The following SARS2 variants were observed in gnomAD, a reference collection of about 807,000 sequenced individuals.
The protein encoded by SARS2 is seryl-tRNA synthetase 2, mitochondrial, also known as serine--tRNA ligase, mitochondrial.
SARS2 carries 52 observed loss-of-function variants against 66.8 expected under a neutral mutation model. The observed-to-expected ratio is 0.78, with a 90% CI of 0.62 to 0.98. The LOEUF (loss-of-function observed/expected upper bound fraction) is 0.98. Among genes scored for constraint, SARS2 ranks in the 50% least tolerant of loss-of-function variants. The pLI is 0.00. For missense variants in SARS2, 673 were observed against 706.3 expected (o/e 0.95, Z 0.53); for synonymous variants, 306 against 281.4 (o/e 1.09, Z -0.87).
At chr19:38,918,194 T>G (rs1974453366) in intron 9 of SARS2, 55 bp from the exon 10 acceptor site, 1 of 1,548,772 alleles carries the variant, frequency 6.5e-7, no homozygotes, top group Admixed American at 1.9e-5. Context: ...GAGGAAGCCT[T>G]TGGAAGATTA....
In SARS2 at chr19:38,923,214, G is replaced by GTTT. The variant is rs1285075055; in HGVS notation, c.364-950_364-948dup. ...GCCACCGCGCCCAGCCTGATCTCAG[G>GTTT]TTTTCTTTTTTTTTTTTTTTTTTTT... On this transcript the variant is annotated intron_variant, in intron 2 of 15. Coordinates refer to ENST00000221431, the MANE Select transcript of SARS2 (RefSeq NM_017827.4). Among the ~76,000 whole-genome samples, 23 of 96,168 alleles carry GTTT rather than the reference G, an allele frequency of 2.4e-4. 1 individual carries two copies. The highest frequency in any genetic ancestry group is 3.0e-4 in the Non-Finnish European group (15 of 49,306). The allele number at this position is 96,168 out of a possible 152,430, so 63.1% of individuals were successfully genotyped here. A position where few individuals can be genotyped will look rare whatever the true frequency, so the allele number is the denominator to read the frequency against.
At chr19:38,924,928 T>C (rs1464851859) in intron 2 of SARS2, among the ~76,000 whole-genome samples, 7 of 152,130 alleles carry the variant, frequency 4.6e-5, no homozygotes, top group African/African-American at 1.7e-4. Context: ...CCTGGTATGG[T>C]GTGTAGCGAC....
intron 2 of SARS2, among the ~76,000 whole-genome samples, chr19:38,925,903 G>A (rs1974618951): frequency 6.6e-6 from 1 of 152,104 alleles, no homozygotes; most frequent in African/African-American, 2.4e-5. Context: ...TGCAACTTCC[G>A]CCTCCTAGGT....
At chr19:38,918,295 C>T (rs949424844) in intron 9 of SARS2, 127 bp downstream of exon 9, 10 of 1,151,012 alleles carry the variant, frequency 8.7e-6, no homozygotes, top group South Asian at 2.6e-5. Context: ...CCTACACAGC[C>T]GTACATGTTG....
chr19:38,925,769 G>A (rs751941), intron 2 of SARS2, among the ~76,000 whole-genome samples: 40,223 of 152,024 alleles, frequency 0.26, 6,043 homozygotes, highest in East Asian at 0.44. Context: ...GGATGCCAGG[G>A]TCCTGCAACA....
intron 12 of SARS2, 27 bp from the exon 13 acceptor site, chr19:38,916,341 A>AAG: frequency 6.3e-7 from 1 of 1,599,058 alleles, no homozygotes. Flanking sequence ...AGGTGTGGGG[A>AAG]AGGTCAGCGG....
chr19:38,924,746 C>T (rs987462521), intron 2 of SARS2, among the ~76,000 whole-genome samples: 6 of 152,250 alleles, frequency 3.9e-5, no homozygotes, highest in South Asian at 4.1e-4. Flanking sequence ...TGGACTCAAG[C>T]GATCTTCCTG....
Position 38,927,595 on chromosome 19 carries a change from T to C in SARS2, c.268-1295A>G, listed in dbSNP as rs62119045. On this transcript the variant is annotated intron_variant, in intron 1 of 15. Coordinates refer to ENST00000221431, the MANE Select transcript of SARS2 (RefSeq NM_017827.4). ...CTTGTCTCCAAAAAAAAAAAAAATT[T>C]ATTATTTTTTTGAGGAACTGCCATA... Among the ~76,000 whole-genome samples, 9 of 152,012 alleles carry C rather than the reference T, an allele frequency of 5.9e-5. No individual in the cohort carries two copies. In the South Asian group the frequency reaches 1.7e-3, roughly 28 times the overall value.
At chr19:38,916,484 A>T (rs1267985380) in intron 12 of SARS2, among the ~76,000 whole-genome samples, 170 bp from the exon 13 acceptor site, 1 of 151,742 alleles carries the variant, frequency 6.6e-6, no homozygotes, top group Non-Finnish European at 1.5e-5. Flanking sequence ...AAAACAAACA[A>T]AAAAAAGGAG....
In SARS2 at chr19:38,915,868, G is replaced by A. The variant is rs1333722839; in HGVS notation, c.1386C>T (p.Ile462=). Residue 462 remains isoleucine, a synonymous_variant, in exon 15 of 16, where the codon ATC becomes ATT. Coordinates refer to ENST00000221431, the MANE Select transcript of SARS2 (RefSeq NM_017827.4). The part of the protein sequence containing the change: ...ATACAVPRLL[I]ALLESNQQKD... ...TCTGCTGGTTACTCTCCAGGAGCGCGATGAGAAGGCGGGGGACAGCACAGG... is the reference window on the plus strand; with the variant it reads ...TCTGCTGGTTACTCTCCAGGAGCGCAATGAGAAGGCGGGGGACAGCACAGG... 1.9e-6 allele frequency: 3 copies of A among 1,613,750 alleles called. No homozygotes were observed. Among genetic ancestry groups the A allele is most frequent in the Admixed American group, 1.7e-5 (1 of 60,002 alleles).
chr19:38,920,263 G>C lies in SARS2; in HGVS notation c.590-114C>G. The C allele has an allele frequency of 3.6e-6, 3 of 827,100 alleles. No homozygotes were observed. The South Asian group carries it at 4.3e-5, about 12-fold the overall frequency. 51.2% of individuals were successfully genotyped at this position (827,100 alleles called of 1,614,324 possible). On this transcript the variant is annotated intron_variant, in intron 5 of 15. Transcript: ENST00000221431. ...GGACGGTGAGAGAAAATAAAGGAGG[G>C]GCAGGAGGAGAGAAGGGAGAAGAAG...
chr19:38,915,653 T>C lies in SARS2; in HGVS notation c.1510A>G (p.Asn504Asp). 6.2e-7 allele frequency: 1 copy of C among 1,612,848 alleles called. No individual in the cohort carries two copies. Among genetic ancestry groups the C allele is most frequent in the Non-Finnish European group, 8.5e-7 (1 of 1,179,512 alleles). ...THVPLQYIGP[N>D]QPRKPGLPGQ... ...GGCAGCCCAGGCTTCCGGGGCTGGT[T>C]GGGGCCGATGTACTGGAGAGGCACG... The change falls in exon 16 of 16, where the codon AAC becomes GAC. Residue 504 changes from asparagine to aspartate, a missense_variant. By Grantham distance (23) the Asn-to-Asp change is conservative (BLOSUM62 1). Coordinates refer to ENST00000221431, the MANE Select transcript of SARS2 (RefSeq NM_017827.4).
At chr19:38,926,180 C>T (rs754066618) in intron 2 of SARS2, 25 bp downstream of exon 2, 7 of 1,591,190 alleles carry the variant, frequency 4.4e-6, no homozygotes, top group Non-Finnish European at 6.0e-6. Flanking sequence ...GGCCACTCCC[C>T]ACCTACTCAG....
At chr19:38,928,963 TC>T (rs1303021876) in intron 1 of SARS2, among the ~76,000 whole-genome samples, 1 of 152,208 alleles carries the variant, frequency 6.6e-6, no homozygotes, top group Non-Finnish European at 1.5e-5. Context: ...ACATCTGTAC[TC>T]CTAGCACTTT....
chr19:38,921,818 T>C (rs1974542432), intron 3 of SARS2, 151 bp from the exon 4 acceptor site: 2 of 1,328,612 alleles, frequency 1.5e-6, no homozygotes, highest in Admixed American at 4.2e-5. Flanking sequence ...GAACTTCCCT[T>C]ACCACCACAT....
chr19:38,926,721 G>A (rs1199321917), intron 1 of SARS2, among the ~76,000 whole-genome samples: 1 of 152,144 alleles, frequency 6.6e-6, no homozygotes, highest in Non-Finnish European at 1.5e-5. Flanking sequence ...AGGAAGCGGA[G>A]GTTGCACTGA....
chr19:38,919,981 T>C, intron 6 of SARS2, 105 bp downstream of exon 6: 1 of 1,370,686 alleles, frequency 7.3e-7, no homozygotes, highest in Non-Finnish European at 1.0e-6. Flanking sequence ...GCATCAAAGA[T>C]TCATGGCATT....
At chr19:38,918,262 C>G in intron 9 of SARS2, 123 bp from the exon 10 acceptor site, 2 of 1,172,422 alleles carry the variant, frequency 1.7e-6, no homozygotes, top group East Asian at 5.1e-5. Flanking sequence ...TGGATTATCA[C>G]TGTACTGCTG....
At chr19:38,920,057 G>A in intron 6 of SARS2, 29 bp downstream of exon 6, 1 of 1,547,788 alleles carries the variant, frequency 6.5e-7, no homozygotes, top group Non-Finnish European at 8.8e-7. Flanking sequence ...GCTGGGAGAG[G>A]GGCGTGGGGA....
Sources: allele counts gnomAD v4.1 joint callset (sites outside exome capture counted in the v4.1 genomes callset), GRCh38; gene constraint gnomAD v4.1.1; transcripts MANE v1.5; gene names NCBI Gene and HGNC (gene_info 2026-07-23, HGNC 2026-07-21).